Variants in SUSD4 observed in about 807,000 individuals in gnomAD.
The protein encoded by SUSD4 is sushi domain-containing protein 4.
A neutral mutation model predicts 50.5 loss-of-function variants in SUSD4; 41 were observed. That is an observed-to-expected ratio of 0.81 (90% CI 0.63 to 1.05). SUSD4 has a LOEUF of 1.05. SUSD4 is among the 50% of genes least tolerant of loss of function. The probability of loss-of-function intolerance (pLI) is 0.00; values close to 1 mark genes in which losing one functional copy is unlikely to be tolerated. For missense variants in SUSD4, 580 were observed against 634.7 expected (o/e 0.91, Z 0.93); for synonymous variants, 257 against 257.3 (o/e 1.00, Z 0.01).
intron 2 of SUSD4, among the ~76,000 whole-genome samples, chr1:223,330,133 A>G (rs1334875549): frequency 6.6e-6 from 1 of 152,186 alleles, no homozygotes; most frequent in East Asian, 1.9e-4. Flanking sequence ...TCTTTGGGAA[A>G]GCAACTCGCA....
At chr1:223,348,715 A>C (rs1490686032) in intron 2 of SUSD4, among the ~76,000 whole-genome samples, 1 of 152,138 alleles carries the variant, frequency 6.6e-6, no homozygotes, top group Non-Finnish European at 1.5e-5. Flanking sequence ...CCAAAACCTC[A>C]ATCTCTTGAG....
chr1:223,234,224 T>G (rs1489273760), intron 5 of SUSD4, among the ~76,000 whole-genome samples: 1 of 152,212 alleles, frequency 6.6e-6, no homozygotes, highest in African/African-American at 2.4e-5. Context: ...GGGGCTGCTA[T>G]AAGACTGCAA....
intron 5 of SUSD4, among the ~76,000 whole-genome samples, chr1:223,230,957 A>G (rs111274016): frequency 0.011 from 1,725 of 152,266 alleles, 34 homozygotes; most frequent in African/African-American, 0.038. Context: ...CCAGGACTTG[A>G]GTATCTAAAG....
intron 3 of SUSD4, among the ~76,000 whole-genome samples, chr1:223,280,996 A>C (rs772116574): frequency 6.6e-6 from 1 of 152,258 alleles, no homozygotes; most frequent in Non-Finnish European, 1.5e-5. Flanking sequence ...TACTAGTTAC[A>C]TAACGAAATG....
intron 2 of SUSD4, among the ~76,000 whole-genome samples, chr1:223,352,241 T>C (rs1384124123): frequency 1.3e-5 from 2 of 152,188 alleles, no homozygotes; most frequent in Admixed American, 6.5e-5. Context: ...TTAGATAATC[T>C]GTGTGTTTGA....
At chr1:223,284,997 A>AT (rs1371427407) in intron 3 of SUSD4, among the ~76,000 whole-genome samples, 3 of 152,186 alleles carry the variant, frequency 2.0e-5, no homozygotes, top group Non-Finnish European at 4.4e-5. Context: ...GTTTCAAATC[A>AT]TAAGAAGGAA....
chr1:223,229,499 T>C lies in SUSD4; in HGVS notation c.725-111A>G. On this transcript the variant is annotated intron_variant, in intron 5 of 8. Transcript: ENST00000366878. This position sits in a 1 kb window ranked among gnomAD's most constrained non-coding sequence, Gnocchi z 4.7. ...ACTCAGTTAAAAATGTGCTTATGGA[T>C]TAATCACCAGGCTACTGAGTTGCAT... The C allele has an allele frequency of 9.7e-7, 1 of 1,032,640 alleles. No individual in the cohort carries two copies. Among genetic ancestry groups the C allele is most frequent in the Non-Finnish European group, 1.4e-6 (1 of 737,262 alleles). 64.0% of individuals were successfully genotyped at this position (1,032,640 alleles called of 1,614,324 possible). A position where few individuals can be genotyped will look rare whatever the true frequency, so the allele number is the denominator to read the frequency against.
Position 223,320,482 on chromosome 1 carries a change from C to T in SUSD4, c.149-27831G>A, listed in dbSNP as rs1057440716. 7.2e-5 allele frequency among the ~76,000 whole-genome samples: 11 copies of T among 152,166 alleles called. No individual in the cohort carries two copies. The South Asian group carries it at 1.3e-3, about 17-fold the overall frequency. On this transcript the variant is annotated intron_variant, in intron 2 of 8. Transcript: ENST00000366878. ...CATACCCTGGGTGGTTGTGTCCCTC[C>T]GCTTCTCGGGGTGTTGCACAGAGGC...
chr1:223,283,591 G>T (rs564108475), intron 3 of SUSD4, among the ~76,000 whole-genome samples: 45 of 152,350 alleles, frequency 3.0e-4, no homozygotes, highest in African/African-American at 8.7e-4. Flanking sequence ...ACAGGTGCTG[G>T]AGAGGATGTG....
At chr1:223,336,222 G>A (rs1343368382) in intron 2 of SUSD4, among the ~76,000 whole-genome samples, 1 of 152,144 alleles carries the variant, frequency 6.6e-6, no homozygotes, top group Non-Finnish European at 1.5e-5. Flanking sequence ...CCAAAGTGCT[G>A]GGATTACAAG....
chr1:223,351,438 C>A (rs1034753223), intron 2 of SUSD4, among the ~76,000 whole-genome samples: 2 of 152,192 alleles, frequency 1.3e-5, no homozygotes, highest in African/African-American at 4.8e-5. Flanking sequence ...CAAACCCTGG[C>A]CCAGACCATC....
chr1:223,297,245 T>C (rs756023532), intron 2 of SUSD4, among the ~76,000 whole-genome samples: 39 of 152,194 alleles, frequency 2.6e-4, no homozygotes, highest in Non-Finnish European at 3.2e-4. Context: ...TGACACAGTA[T>C]GTGTGGACTG....
chr1:223,257,503 C>G (rs1037800821), intron 5 of SUSD4, among the ~76,000 whole-genome samples: 2 of 152,204 alleles, frequency 1.3e-5, no homozygotes, highest in Non-Finnish European at 2.9e-5. Flanking sequence ...TGTGGCCAAG[C>G]CTGCTACTCT....
intron 2 of SUSD4, among the ~76,000 whole-genome samples, chr1:223,354,560 AG>A (rs1261353082): frequency 6.6e-6 from 1 of 152,198 alleles, no homozygotes; most frequent in African/African-American, 2.4e-5. Flanking sequence ...TAAAACACTT[AG>A]GTAGCCTTCA....
At chr1:223,322,862 A>G (rs530732410) in intron 2 of SUSD4, among the ~76,000 whole-genome samples, 1 of 152,324 alleles carries the variant, frequency 6.6e-6, no homozygotes, top group South Asian at 2.1e-4. Context: ...AAAATATTAA[A>G]CTGATATGTT....
At chr1:223,260,633 T>A (rs757478027) in intron 5 of SUSD4, among the ~76,000 whole-genome samples, 3 of 152,236 alleles carry the variant, frequency 2.0e-5, no homozygotes, top group South Asian at 2.1e-4. Flanking sequence ...TTTTATACAG[T>A]CATTGATTTT....
intron 5 of SUSD4, among the ~76,000 whole-genome samples, chr1:223,252,179 T>C (rs2103044272): frequency 6.9e-6 from 1 of 145,502 alleles, no homozygotes; most frequent in Non-Finnish European, 1.5e-5. Flanking sequence ...GTAACAAACC[T>C]GCACGTTGTG....
At position 223,281,698 on chromosome 1, in the gene SUSD4, A is replaced by G. The variant is rs553695971; in HGVS notation, c.361+10741T>C. ...GTACCATTCCTTCTGAAACTATTCCAATCAATAGAAAAAGAGGGAATCCTC... is the reference window on the plus strand; with the variant it reads ...GTACCATTCCTTCTGAAACTATTCCGATCAATAGAAAAAGAGGGAATCCTC... On this transcript the variant is annotated intron_variant, in intron 3 of 8. Transcript: ENST00000366878. 2.0e-5 allele frequency among the ~76,000 whole-genome samples: 3 copies of G among 152,338 alleles called. No homozygotes were observed. In the South Asian group the frequency reaches 6.2e-4, roughly 32 times the overall value.
chr1:223,251,703 C>T (rs1303545552), intron 5 of SUSD4, among the ~76,000 whole-genome samples: 1 of 152,100 alleles, frequency 6.6e-6, no homozygotes, highest in Non-Finnish European at 1.5e-5. Context: ...AGTAGTGCCA[C>T]AATAAACATA....
Sources: allele counts gnomAD v4.1 joint callset (sites outside exome capture counted in the v4.1 genomes callset), GRCh38; gene constraint gnomAD v4.1.1; non-coding constraint Gnocchi (gnomAD v3.1); transcripts MANE v1.5; gene names NCBI Gene and HGNC (gene_info 2026-07-23, HGNC 2026-07-21).